RAP1GAP2: variants seen among roughly 807,000 people sequenced by gnomAD.
RAP1GAP2 encodes the protein rap1 GTPase-activating protein 2.
In RAP1GAP2, 27 loss-of-function variants were observed where a neutral mutation model predicts 95.0. That is an observed-to-expected ratio of 0.28 (90% confidence interval 0.21 to 0.39). RAP1GAP2 has a LOEUF of 0.39. RAP1GAP2 is among the 10% of genes least tolerant of loss of function. RAP1GAP2 has a pLI of 1.00. For missense variants in RAP1GAP2, 771 were observed against 970.0 expected (o/e 0.79, Z 2.72); for synonymous variants, 373 against 380.9 (o/e 0.98, Z 0.24).
chr17:2,946,576 C>G (rs1166644572), intron 3 of RAP1GAP2, among the ~76,000 whole-genome samples: 2 of 152,142 alleles, frequency 1.3e-5, no homozygotes, highest in African/African-American at 4.8e-5. Context: ...CAACCATCTT[C>G]CCACCCTTCC....
rs1351209019 is a variant in RAP1GAP2, at chr17:3,036,710, C to T, written c.*3349C>T. ...TCACCCACCCTCAGCTTCCCTTTTC[C>T]TAAATTAAGAGGAAAAGTGGTCAAA... On this transcript the variant is annotated 3_prime_UTR_variant, in exon 25 of 25. Transcript: ENST00000254695. 1 of 152,498 alleles carries T rather than the reference C, an allele frequency of 6.6e-6. No individual in the cohort carries two copies. Among genetic ancestry groups the T allele is most frequent in the Non-Finnish European group, 1.5e-5 (1 of 68,036 alleles). The allele number at this position is 152,498 out of a possible 1,614,324, so 9.4% of individuals were successfully genotyped here.
intron 3 of RAP1GAP2, among the ~76,000 whole-genome samples, chr17:2,925,959 C>T (rs79124588): frequency 0.01 from 1,544 of 151,890 alleles, 22 homozygotes; most frequent in South Asian, 0.031. Flanking sequence ...GCCAACATGG[C>T]GAAAGCCCTG....
At chr17:2,821,407 G>A (rs1236672017) in intron 2 of RAP1GAP2, among the ~76,000 whole-genome samples, 1 of 124,894 alleles carries the variant, frequency 8.0e-6, no homozygotes, top group Non-Finnish European at 1.6e-5. Flanking sequence ...ACGGAGTCTC[G>A]CTCTGTCGCC....
intron 2 of RAP1GAP2, among the ~76,000 whole-genome samples, chr17:2,829,321 G>A (rs1310396158): frequency 6.6e-6 from 1 of 152,136 alleles, no homozygotes; most frequent in East Asian, 1.9e-4. Context: ...GATGGAGCGG[G>A]TGGTGACTTA....
intron 3 of RAP1GAP2, among the ~76,000 whole-genome samples, chr17:2,940,406 C>T (rs1488216512): frequency 2.6e-5 from 4 of 152,200 alleles, no homozygotes; most frequent in Admixed American, 6.5e-5. Context: ...GGCTCCCTGC[C>T]GGGGCCCGAG....
intron 12 of RAP1GAP2, among the ~76,000 whole-genome samples, chr17:2,995,003 G>A (rs2045904313): frequency 6.6e-6 from 1 of 152,064 alleles, no homozygotes; most frequent in Non-Finnish European, 1.5e-5. Context: ...TAGTAGAGAC[G>A]GGGGTTTCAC....
chr17:2,788,617 T>C (rs2068847263), intron 1 of RAP1GAP2, among the ~76,000 whole-genome samples: 1 of 152,176 alleles, frequency 6.6e-6, no homozygotes, highest in African/African-American at 2.4e-5. Context: ...ATCAGGTTAA[T>C]GCAATTTTGG....
At chr17:2,822,002 G>A (rs2070325809) in intron 2 of RAP1GAP2, among the ~76,000 whole-genome samples, 1 of 152,152 alleles carries the variant, frequency 6.6e-6, no homozygotes, top group Non-Finnish European at 1.5e-5. Flanking sequence ...TAAAGCCAGT[G>A]CCACCGGGTG....
chr17:2,920,383 G>A (rs867832840), intron 3 of RAP1GAP2, among the ~76,000 whole-genome samples: 25 of 145,378 alleles, frequency 1.7e-4, no homozygotes, highest in Middle Eastern at 3.5e-3. Flanking sequence ...CCCAACCCCC[G>A]CCCCAGGCAT....
At chr17:2,940,092 G>T (rs2043439141) in intron 3 of RAP1GAP2, among the ~76,000 whole-genome samples, 2 of 152,210 alleles carry the variant, frequency 1.3e-5, no homozygotes, top group Admixed American at 1.3e-4. Flanking sequence ...AGTGTCCCTG[G>T]GCTGTGGAGG....
chr17:2,781,896 CTG>C (rs1442998829), intron 1 of RAP1GAP2, among the ~76,000 whole-genome samples: 1 of 151,588 alleles, frequency 6.6e-6, no homozygotes, highest in Non-Finnish European at 1.5e-5. Flanking sequence ...GTGCACGTCT[CTG>C]TGTGTGCAGG....
chr17:2,795,383 ACTGGCCCTGTGGTGTGCAGAC>A (rs1452265999), upstream of RAP1GAP2, among the ~76,000 whole-genome samples: 1 of 152,164 alleles, frequency 6.6e-6, no homozygotes, highest in Non-Finnish European at 1.5e-5. Context: ...AGAGATGAGC[ACTGGCCCTGTGGTGTGCAGAC>A]TGGGATGCGT....
chr17:2,785,590 C>T (rs2068753286), intron 1 of RAP1GAP2, among the ~76,000 whole-genome samples: 1 of 152,184 alleles, frequency 6.6e-6, no homozygotes, highest in Non-Finnish European at 1.5e-5. Context: ...CATGTAGCTC[C>T]CAGTCACATT....
intron 17 of RAP1GAP2, among the ~76,000 whole-genome samples, chr17:3,012,187 G>A (rs1003994563): frequency 1.3e-5 from 2 of 152,132 alleles, no homozygotes; most frequent in South Asian, 4.1e-4. Context: ...ACACAGAACA[G>A]TTGGCTTTTG....
At chr17:2,894,670 C>A (rs1266236355) in intron 2 of RAP1GAP2, among the ~76,000 whole-genome samples, 1 of 152,150 alleles carries the variant, frequency 6.6e-6, no homozygotes, top group Non-Finnish European at 1.5e-5. Flanking sequence ...GTCTGTATCA[C>A]GGCTGAAGCG....
intron 2 of RAP1GAP2, among the ~76,000 whole-genome samples, chr17:2,828,429 AAAG>A (rs753447241): frequency 3.5e-4 from 53 of 152,114 alleles, no homozygotes; most frequent in Non-Finnish European, 5.7e-4. Context: ...TGAAAAAAAA[AAAG>A]AAGTGGCATT....
At chr17:2,976,317 T>G (rs1274638553) in intron 8 of RAP1GAP2, among the ~76,000 whole-genome samples, 2 of 152,174 alleles carry the variant, frequency 1.3e-5, no homozygotes, top group Non-Finnish European at 2.9e-5. Flanking sequence ...AAAGTAAAAG[T>G]CCATGTATTA....
At chr17:2,975,243 AAG>A (rs2045060968) in intron 8 of RAP1GAP2, among the ~76,000 whole-genome samples, 1 of 152,178 alleles carries the variant, frequency 6.6e-6, no homozygotes, top group South Asian at 2.1e-4. Flanking sequence ...AAAAAAGAAA[AAG>A]AAAAAGAAAA....
At chr17:2,794,290 C>T (rs1236268738), upstream of RAP1GAP2, among the ~76,000 whole-genome samples, 2 of 152,110 alleles carry the variant, frequency 1.3e-5, no homozygotes, top group Non-Finnish European at 2.9e-5. Flanking sequence ...GTCCCCTTGG[C>T]TGGCCAGGCC....
Sources: gnomAD v4.1 joint callset for allele counts (sites outside exome capture counted in the v4.1 genomes callset) on GRCh38, gnomAD v4.1.1 for gene constraint, MANE v1.5 for transcripts, NCBI Gene and HGNC (gene_info 2026-07-23, HGNC 2026-07-21) for gene names.